PERCC1: variants seen among roughly 807,000 people sequenced by gnomAD.
The protein encoded by PERCC1 is protein PERCC1.
In PERCC1 at chr16:1,433,214, C is replaced by T; in HGVS notation, c.621C>T (p.Pro207=). 2.5e-6 allele frequency: 1 copy of T among 398,706 alleles called. No individual in the cohort carries two copies. Among genetic ancestry groups the T allele is most frequent in the Non-Finnish European group, 4.4e-6 (1 of 226,088 alleles). 24.7% of individuals were successfully genotyped at this position (398,706 alleles called of 1,614,324 possible). The part of the protein sequence containing the change: ...TLERKYGHIT[P]MAQRKLPPSF... ...AGCGGAAGTACGGCCACATCACCCCCATGGCCCAGAGGAAGCTGCCCCCAT... is the reference window on the plus strand; with the variant it reads ...AGCGGAAGTACGGCCACATCACCCCTATGGCCCAGAGGAAGCTGCCCCCAT... Residue 207 remains proline, a synonymous_variant, in exon 2 of 2, where the codon CCC becomes CCT. Transcript: ENST00000640283.
intron 1 of PERCC1, among the ~76,000 whole-genome samples, chr16:1,431,850 G>C (rs1192376316): frequency 6.6e-6 from 1 of 152,104 alleles, no homozygotes; most frequent in Admixed American, 6.5e-5. Flanking sequence ...GCCCACCCCT[G>C]CAGGGACCTC....
At chr16:1,431,764 C>T (rs1445167752) in intron 1 of PERCC1, among the ~76,000 whole-genome samples, 2 of 152,118 alleles carry the variant, frequency 1.3e-5, no homozygotes, top group African/African-American at 2.4e-5. Context: ...CAGTCCCCAT[C>T]CAGATACCCT....
chr16:1,431,737 G>C (rs1266102035), intron 1 of PERCC1, among the ~76,000 whole-genome samples: 1 of 152,098 alleles, frequency 6.6e-6, no homozygotes, highest in African/African-American at 2.4e-5. Flanking sequence ...GCCCAGAGGA[G>C]AGCTGCACCC....
intron 1 of PERCC1, among the ~76,000 whole-genome samples, chr16:1,432,081 G>A (rs766654785): frequency 2.0e-5 from 3 of 152,002 alleles, no homozygotes; most frequent in Admixed American, 6.6e-5. Flanking sequence ...GCTCAGCAGC[G>A]CCAGCACCCC....
Position 1,433,872 on chromosome 16 carries a change from C to A in PERCC1, c.*475C>A, listed in dbSNP as rs1044720186. 6.6e-6 allele frequency among the ~76,000 whole-genome samples: 1 copy of A among 152,252 alleles called. No individual in the cohort carries two copies. The highest frequency in any genetic ancestry group is 2.4e-5 in the African/African-American group (1 of 41,472). The stretch of plus-strand genomic sequence containing the variant: ...CAGCAGACGGCAGGGCCGGCGACCG[C>A]GGGATGAGCGAGGGCTTTCTTGGAG... On this transcript the variant is annotated 3_prime_UTR_variant, in exon 2 of 2. Coordinates refer to ENST00000640283, the MANE Select transcript of PERCC1 (RefSeq NM_001365310.2).
intron 1 of PERCC1, among the ~76,000 whole-genome samples, chr16:1,432,307 A>T (rs10566040): frequency 1.0e-4 from 12 of 117,070 alleles, no homozygotes; most frequent in African/African-American, 2.2e-4. Context: ...GTCTCACAGC[A>T]CCCCCTGGCC....
chr16:1,433,421 C>T lies in PERCC1; in HGVS notation c.*24C>T. Reference sequence around the variant, plus strand: ...AGCGAAGCGCCGGGGTCAGAGCTAGCTGGCGGCAGCAGGGCCACCCCTAAG... The same window carrying T: ...AGCGAAGCGCCGGGGTCAGAGCTAGTTGGCGGCAGCAGGGCCACCCCTAAG... On this transcript the variant is annotated 3_prime_UTR_variant, in exon 2 of 2. Coordinates refer to ENST00000640283, the MANE Select transcript of PERCC1 (RefSeq NM_001365310.2). The T allele has an allele frequency of 2.5e-6, 1 of 398,694 alleles. No individual in the cohort carries two copies. The highest frequency in any genetic ancestry group is 2.1e-5 in the African/African-American group (1 of 48,744). The allele number at this position is 398,694 out of a possible 1,614,324, so 24.7% of individuals were successfully genotyped here. A position where few individuals can be genotyped will look rare whatever the true frequency, so the allele number is the denominator to read the frequency against.
At position 1,432,876 on chromosome 16, in the gene PERCC1, G is replaced by C; in HGVS notation, c.283G>C (p.Asp95His). 2.5e-6 allele frequency: 1 copy of C among 398,650 alleles called. No homozygotes were observed. Among genetic ancestry groups the C allele is most frequent in the South Asian group, 1.3e-4 (1 of 7,866 alleles). The allele number at this position is 398,650 out of a possible 1,614,324, so 24.7% of individuals were successfully genotyped here. A position where few individuals can be genotyped will look rare whatever the true frequency, so the allele number is the denominator to read the frequency against. Residue 95 changes from aspartate to histidine, a missense_variant, in exon 2 of 2, where the codon GAC becomes CAC. By Grantham distance (81) the Asp-to-His change is moderately conservative. Transcript: ENST00000640283. ...QLLRFSELIS[D>H]DIRRYFGRKD... is the part of the protein sequence containing the mutation. ...GCTACGCTTTTCAGAGCTCATCAGC[G>C]ACGACATCCGGCGGTACTTTGGCCG...
rs1216825623 is a variant in PERCC1, at chr16:1,432,944, C to T, written c.351C>T (p.Ala117=). 4 of 398,826 alleles carry T rather than the reference C, an allele frequency of 1.0e-5. No individual in the cohort carries two copies. The highest frequency in any genetic ancestry group is 4.1e-5 in the African/African-American group (2 of 48,622). The allele number at this position is 398,826 out of a possible 1,614,324, so 24.7% of individuals were successfully genotyped here. The change falls in exon 2 of 2, where the codon GCC becomes GCT. Residue 117 remains alanine (A), a synonymous_variant. Coordinates refer to ENST00000640283, the MANE Select transcript of PERCC1 (RefSeq NM_001365310.2). ...ACCCAGATGCCTGCGACGTCTACGCCGACAGCCGCCCACCCCGCAGCACTG... is the reference window on the plus strand; with the variant it reads ...ACCCAGATGCCTGCGACGTCTACGCTGACAGCCGCCCACCCCGCAGCACTG... ...GQDPDACDVY[A]DSRPPRSTAR... is the part of the protein sequence containing the mutation.
rs1413755692 is a variant in PERCC1, at chr16:1,434,268, A to G, written c.*871A>G. ...CAGGACAGGAAGAGTCATGGGGGTC[A>G]AGAGACTGGGTCCCTCCAAGCTTGG... is the stretch of plus-strand genomic sequence containing the variant. On this transcript the variant is annotated 3_prime_UTR_variant, in exon 2 of 2. Coordinates refer to ENST00000640283, the MANE Select transcript of PERCC1 (RefSeq NM_001365310.2). The G allele has an allele frequency of 1.3e-5, 13 of 985,940 alleles. No individual in the cohort carries two copies. The highest frequency in any genetic ancestry group is 1.9e-5 in the Non-Finnish European group (13 of 682,752). The allele number at this position is 985,940 out of a possible 1,614,324, so 61.1% of individuals were successfully genotyped here.
chr16:1,431,935 G>A (rs1206379278), intron 1 of PERCC1, among the ~76,000 whole-genome samples: 3 of 152,178 alleles, frequency 2.0e-5, no homozygotes, highest in African/African-American at 7.2e-5. Flanking sequence ...GCTCCCTTGG[G>A]ACTGTGATGG....
At position 1,433,795 on chromosome 16, in the gene PERCC1, A is replaced by T. The variant is rs1008899668; in HGVS notation, c.*398A>T. Reference sequence around the variant, plus strand: ...TCCCACTGCCTGCCCATCCCACCGAACCCCTAGGACTAAGCGGCCCGGAAC... The same window carrying T: ...TCCCACTGCCTGCCCATCCCACCGATCCCCTAGGACTAAGCGGCCCGGAAC... On this transcript the variant is annotated 3_prime_UTR_variant, in exon 2 of 2. Transcript: ENST00000640283. 6.6e-6 allele frequency among the ~76,000 whole-genome samples: 1 copy of T among 152,020 alleles called. No individual in the cohort carries two copies. The highest frequency in any genetic ancestry group is 1.5e-5 in the Non-Finnish European group (1 of 67,970).
At chr16:1,431,622 C>T (rs997728490) in intron 1 of PERCC1, among the ~76,000 whole-genome samples, 10 of 151,716 alleles carry the variant, frequency 6.6e-5, no homozygotes, top group African/African-American at 4.8e-5. Context: ...CCACAGGCTC[C>T]GGACAAGATG....
At position 1,431,441 on chromosome 16, in the gene PERCC1, C is replaced by T. The variant is rs115864996; in HGVS notation, c.-48+333C>T. Among the ~76,000 whole-genome samples the T allele has an allele frequency of 1.2e-3, 188 of 152,180 alleles. 3 individuals carry two copies. The highest frequency in any genetic ancestry group is 4.1e-3 in the African/African-American group (171 of 41,524). Reference sequence around the variant, plus strand: ...CGGGAGGCCTCGCAGTTCACCTCCCCGACAGCCAGCGGGGAAACATCCTGA... The same window carrying T: ...CGGGAGGCCTCGCAGTTCACCTCCCTGACAGCCAGCGGGGAAACATCCTGA... On this transcript the variant is annotated intron_variant, in intron 1 of 1. Transcript: ENST00000640283.
Position 1,432,712 on chromosome 16 carries a change from AG to A in PERCC1, c.121del (p.Glu41ArgfsTer156), listed in dbSNP as rs1312987286. 9 of 365,436 alleles carry A rather than the reference AG, an allele frequency of 2.5e-5. No individual in the cohort carries two copies. Among genetic ancestry groups the A allele is most frequent in the Non-Finnish European group, 3.9e-5 (8 of 207,456 alleles). The allele number at this position is 365,436 out of a possible 1,614,324, so 22.6% of individuals were successfully genotyped here. A position where few individuals can be genotyped will look rare whatever the true frequency, so the allele number is the denominator to read the frequency against. On this transcript the variant is annotated frameshift_variant, in exon 2 of 2. Transcript: ENST00000640283. LOFTEE classifies it low-confidence loss of function (END_TRUNC). Reference sequence around the variant, plus strand: ...ACTTCGGAGGAGGAAGAGGAGGAGGAGGAGGAGGAGGAGGAGGAGGAGGGCG... The same window carrying A: ...ACTTCGGAGGAGGAAGAGGAGGAGGAGAGGAGGAGGAGGAGGAGGAGGGCG... ...PETSEEEEEE[E>X]EEEEEEEGEG...
At position 1,433,695 on chromosome 16, in the gene PERCC1, G is replaced by C. The variant is rs1835112204; in HGVS notation, c.*298G>C. ...TCCACCCACCAGGGCCCCCAGGTGAGGCTGAGGGCCCAGCCCCAGAGATTC... is the reference window on the plus strand; with the variant it reads ...TCCACCCACCAGGGCCCCCAGGTGACGCTGAGGGCCCAGCCCCAGAGATTC... On this transcript the variant is annotated 3_prime_UTR_variant, in exon 2 of 2. Coordinates refer to ENST00000640283, the MANE Select transcript of PERCC1 (RefSeq NM_001365310.2). 6.6e-6 allele frequency among the ~76,000 whole-genome samples: 1 copy of C among 152,212 alleles called. No individual in the cohort carries two copies. The highest frequency in any genetic ancestry group is 2.4e-5 in the African/African-American group (1 of 41,460).
In PERCC1 at chr16:1,432,723, G is replaced by T; in HGVS notation, c.130G>T (p.Glu44Ter). The change falls in exon 2 of 2, where the codon GAG (glutamate) becomes TAG (stop). Residue 44 changes from glutamate (E) to a stop codon, truncating the protein, a stop_gained. Transcript: ENST00000640283. LOFTEE classifies it low-confidence loss of function (END_TRUNC). ...EEEEEEEEEEEEEEGEGEGLG... is the reference protein window; with the variant it reads ...EEEEEEEEEE ...GGAAGAGGAGGAGGAGGAGGAGGAGGAGGAGGAGGAGGGCGAGGGCGAGGG... is the reference window on the plus strand; with the variant it reads ...GGAAGAGGAGGAGGAGGAGGAGGAGTAGGAGGAGGAGGGCGAGGGCGAGGG... 7.5e-6 allele frequency: 3 copies of T among 401,526 alleles called. No individual in the cohort carries two copies. The highest frequency in any genetic ancestry group is 1.3e-5 in the Non-Finnish European group (3 of 227,936). The allele number at this position is 401,526 out of a possible 1,614,324, so 24.9% of individuals were successfully genotyped here. A position where few individuals can be genotyped will look rare whatever the true frequency, so the allele number is the denominator to read the frequency against.
chr16:1,432,825 G>A lies in PERCC1; in HGVS notation c.232G>A (p.Gly78Ser), dbSNP rs974688087. The part of the protein sequence containing the change: ...ATEEAAPEGP[G>S]SPETPLQLLR... ...GGAGGAAGCAGCCCCCGAGGGTCCC[G>A]GCAGCCCCGAGACCCCGCTGCAGCT... is the stretch of plus-strand genomic sequence containing the variant. The change falls in exon 2 of 2, where the codon GGC (glycine) becomes AGC (serine). Residue 78 changes from glycine to serine, a missense_variant. Transcript: ENST00000640283. 2.0e-5 allele frequency: 8 copies of A among 398,576 alleles called. No individual in the cohort carries two copies. The highest frequency in any genetic ancestry group is 1.0e-4 in the African/African-American group (5 of 48,736). The allele number at this position is 398,576 out of a possible 1,614,324, so 24.7% of individuals were successfully genotyped here. A position where few individuals can be genotyped will look rare whatever the true frequency, so the allele number is the denominator to read the frequency against.
chr16:1,434,130 C>A lies in PERCC1; in HGVS notation c.*733C>A, dbSNP rs1241289335. On this transcript the variant is annotated 3_prime_UTR_variant, in exon 2 of 2. Transcript: ENST00000640283. The stretch of plus-strand genomic sequence containing the variant: ...TAGGTGCTTCTGCGCAGGCCCTAGC[C>A]AAGCCCCTTCCACCCCGGGGGGCTC... Among the ~76,000 whole-genome samples the A allele has an allele frequency of 6.6e-6, 1 of 152,218 alleles. No homozygotes were observed.
Sources: gnomAD v4.1 joint callset for allele counts (sites outside exome capture counted in the v4.1 genomes callset) on GRCh38, gnomAD v4.1.1 for gene constraint, MANE v1.5 for transcripts, NCBI Gene and HGNC (gene_info 2026-07-23, HGNC 2026-07-21) for gene names.